PALS2: variants seen among roughly 807,000 people sequenced by gnomAD.
The protein encoded by PALS2 is protein associated with LIN7 2, MAGUK p55 family member, also known as protein PALS2.
PALS2 carries 27 observed loss-of-function variants against 61.6 expected under a neutral mutation model. The ratio of observed to expected loss-of-function variants is 0.44; its 90% CI spans 0.32 to 0.60. The LOEUF is 0.60. Among genes scored for constraint, PALS2 ranks in the 20% least tolerant of loss-of-function variants. The pLI is 0.05. For missense variants in PALS2, 554 were observed against 639.4 expected, an observed-to-expected ratio of 0.87 and a Z score of 1.44; for synonymous variants, 236 against 218.6, an observed-to-expected ratio of 1.08 and a Z score of -0.70.
intron 2 of PALS2, among the ~76,000 whole-genome samples, chr7:24,630,246 A>G (rs1376417838): frequency 1.3e-5 from 2 of 152,136 alleles, no homozygotes; most frequent in African/African-American, 2.4e-5. Context: ...CAAACACCGC[A>G]TGTTTTCTTT....
At chr7:24,581,963 T>C (rs1367711046) in intron 1 of PALS2, among the ~76,000 whole-genome samples, 2 of 152,228 alleles carry the variant, frequency 1.3e-5, no homozygotes, top group Non-Finnish European at 2.9e-5. Flanking sequence ...CAGTCTTTTC[T>C]TTAAGTATGT....
intron 3 of PALS2, among the ~76,000 whole-genome samples, chr7:24,646,914 T>C (rs950426720): frequency 6.6e-6 from 1 of 152,162 alleles, no homozygotes; most frequent in Non-Finnish European, 1.5e-5. Flanking sequence ...ATCTCTCTTC[T>C]AGGTTTTCTG....
chr7:24,622,393 C>T (rs560520974), intron 1 of PALS2, among the ~76,000 whole-genome samples: 55 of 151,930 alleles, frequency 3.6e-4, no homozygotes, highest in African/African-American at 1.2e-3. Context: ...ACTTCTGTTA[C>T]ATCTATTTCT....
At chr7:24,632,856 A>G (rs1338046747) in intron 2 of PALS2, among the ~76,000 whole-genome samples, 1 of 151,956 alleles carries the variant, frequency 6.6e-6, no homozygotes, top group Non-Finnish European at 1.5e-5. Flanking sequence ...TTAACTAAAC[A>G]TTGTATGTGA....
At chr7:24,640,332 G>GA (rs1242169723) in intron 2 of PALS2, among the ~76,000 whole-genome samples, 2 of 151,600 alleles carry the variant, frequency 1.3e-5, no homozygotes, top group African/African-American at 2.4e-5. Context: ...GAATTACCTA[G>GA]AAAAAATAGA....
chr7:24,587,645 G>A lies in PALS2; in HGVS notation c.-3+14052G>A, dbSNP rs952156249. Among the ~76,000 whole-genome samples the A allele has an allele frequency of 1.2e-4, 18 of 151,900 alleles. 1 individual carries two copies. The highest frequency in any genetic ancestry group is 5.2e-4 in the Admixed American group (8 of 15,258). ...TCCCTTCTTGGCCTCCCATAGTGCT[G>A]GGATTACAGGCATGAGCCACCATGC... On this transcript the variant is annotated intron_variant, in intron 1 of 11. Coordinates refer to ENST00000222644, the MANE Select transcript of PALS2 (RefSeq NM_001303037.2).
In PALS2 at chr7:24,680,410, A is replaced by C. The variant is rs1402451631; in HGVS notation, c.1336A>C (p.Thr446Pro). 1 of 1,612,792 alleles carries C rather than the reference A, an allele frequency of 6.2e-7. No homozygotes were observed. Among genetic ancestry groups the C allele is most frequent in the Non-Finnish European group, 8.5e-7 (1 of 1,178,832 alleles). The change falls in exon 11 of 12, where the codon ACA becomes CCA. Residue 446 changes from threonine to proline, a missense_variant. Transcript: ENST00000222644. ...VNPQALKVLR[T>P]SEFMPYVVFI... Reference sequence around the variant, plus strand: ...TACACAGGCACTGAAAGTATTGAGGACATCAGAGTTTATGCCCTATGTGGT... The same window carrying C: ...TACACAGGCACTGAAAGTATTGAGGCCATCAGAGTTTATGCCCTATGTGGT...
intron 5 of PALS2, among the ~76,000 whole-genome samples, chr7:24,655,287 A>C (rs888206860): frequency 1.3e-5 from 2 of 152,234 alleles, no homozygotes; most frequent in African/African-American, 4.8e-5. Flanking sequence ...CCAAAAGATT[A>C]CATGCATATA....
chr7:24,648,992 A>G (rs1785996665), intron 3 of PALS2, among the ~76,000 whole-genome samples: 1 of 152,108 alleles, frequency 6.6e-6, no homozygotes, highest in Non-Finnish European at 1.5e-5. Context: ...TAGGAGGTAA[A>G]AAAAATACGT....
intron 2 of PALS2, among the ~76,000 whole-genome samples, chr7:24,640,613 T>G (rs1480109941): frequency 6.6e-6 from 1 of 152,196 alleles, no homozygotes; most frequent in African/African-American, 2.4e-5. Flanking sequence ...ATAGCAACCA[T>G]TTATCAGAAA....
Position 24,693,711 on chromosome 7 carries a change from C to G in PALS2, c.*6097C>G, listed in dbSNP as rs1033968379. The G allele has an allele frequency of 2.6e-5, 4 of 152,188 alleles. No homozygotes were observed. Among genetic ancestry groups the G allele is most frequent in the Non-Finnish European group, 5.9e-5 (4 of 68,030 alleles). 9.4% of individuals were successfully genotyped at this position (152,188 alleles called of 1,614,324 possible). On this transcript the variant is annotated 3_prime_UTR_variant, in exon 12 of 12. Transcript: ENST00000222644. Reference sequence around the variant, plus strand: ...ATTCTCTTTTAAAAAGAACTGCTGACTGGCTCCTGTCTCTTCAGTAACACT... The same window carrying G: ...ATTCTCTTTTAAAAAGAACTGCTGAGTGGCTCCTGTCTCTTCAGTAACACT...
Position 24,663,629 on chromosome 7 carries a change from G to A in PALS2, c.691G>A (p.Asp231Asn), listed in dbSNP as rs1278203986. ...TCATTTTGATTATAATCCATACAATGACAACCTAATACCTTGCAAAGAAGC... is the reference window on the plus strand; with the variant it reads ...TCATTTTGATTATAATCCATACAATAACAACCTAATACCTTGCAAAGAAGC... ...KCHFDYNPYN[D>N]NLIPCKEAGL... Residue 231 changes from aspartate to asparagine, a missense_variant, in exon 6 of 12, where the codon GAC becomes AAC. Coordinates refer to ENST00000222644, the MANE Select transcript of PALS2 (RefSeq NM_001303037.2). The A allele has an allele frequency of 5.0e-6, 8 of 1,594,098 alleles. No individual in the cohort carries two copies. Among genetic ancestry groups the A allele is most frequent in the Non-Finnish European group, 6.9e-6 (8 of 1,162,818 alleles).
At chr7:24,649,797 C>A in intron 4 of PALS2, 33 bp downstream of exon 4, 1 of 1,495,524 alleles carries the variant, frequency 6.7e-7, no homozygotes. Context: ...CCTATTAAAT[C>A]TGAAATATGA....
chr7:24,573,543 C>G lies in PALS2; in HGVS notation c.-53C>G, dbSNP rs1214921101. 6 of 385,718 alleles carry G rather than the reference C, an allele frequency of 1.6e-5. No homozygotes were observed. In the Admixed American group the frequency reaches 2.3e-4, roughly 15 times the overall value. 23.9% of individuals were successfully genotyped at this position (385,718 alleles called of 1,614,324 possible). A position where few individuals can be genotyped will look rare whatever the true frequency, so the allele number is the denominator to read the frequency against. ...GAGGGAGAGCAGCGGCGGCGGGGAG[C>G]GACCGGGAGCGGCGGCAGCGGCGGC... On this transcript the variant is annotated 5_prime_UTR_variant, in exon 1 of 12. Transcript: ENST00000222644. The surrounding 1 kb of genome is among the most constrained non-coding windows in gnomAD (Gnocchi z 5.3).
intron 9 of PALS2, among the ~76,000 whole-genome samples, chr7:24,669,325 G>C (rs1207128032): frequency 2.0e-5 from 3 of 152,204 alleles, no homozygotes; most frequent in Non-Finnish European, 4.4e-5. Flanking sequence ...AAGTATGCTT[G>C]ATGAGAATGG....
intron 2 of PALS2, among the ~76,000 whole-genome samples, chr7:24,631,873 A>G (rs1335497668): frequency 1.3e-5 from 2 of 152,236 alleles, no homozygotes; most frequent in African/African-American, 2.4e-5. Flanking sequence ...TTTTAGACAT[A>G]TTGCAGTTGC....
chr7:24,672,451 G>C (rs555840504), intron 9 of PALS2, among the ~76,000 whole-genome samples: 1 of 151,756 alleles, frequency 6.6e-6, no homozygotes, highest in African/African-American at 2.4e-5. Context: ...GGCTGGTTTC[G>C]AACTCCTGAC....
Position 24,618,735 on chromosome 7 carries a change from G to T in PALS2, c.-2-4931G>T, listed in dbSNP as rs1000135220. ...CCCTTCTGACTCTGGGCCATTCCAG[G>T]CTCGGAGGATGGGATGGCAGAGGCA... On this transcript the variant is annotated intron_variant, in intron 1 of 11. Transcript: ENST00000222644. The surrounding 1 kb of genome is among the most constrained non-coding windows in gnomAD (Gnocchi z 5.1). 3.3e-5 allele frequency among the ~76,000 whole-genome samples: 5 copies of T among 152,206 alleles called. No homozygotes were observed. Among genetic ancestry groups the T allele is most frequent in the Non-Finnish European group, 7.3e-5 (5 of 68,034 alleles).
At chr7:24,623,520 C>T (rs1784610265) in intron 1 of PALS2, 146 bp from the exon 2 acceptor site, 1 of 559,542 alleles carries the variant, frequency 1.8e-6, no homozygotes, top group South Asian at 2.8e-5. Context: ...TTAACAATTT[C>T]ATTTTTTAAA....
Sources: gnomAD v4.1 joint callset for allele counts (sites outside exome capture counted in the v4.1 genomes callset) on GRCh38, gnomAD v4.1.1 for gene constraint, Gnocchi (gnomAD v3.1) non-coding constraint, MANE v1.5 for transcripts, NCBI Gene and HGNC (gene_info 2026-07-23, HGNC 2026-07-21) for gene names.